The following ZNF516 variants were observed in gnomAD, a reference collection of about 807,000 sequenced individuals.
ZNF516 encodes zinc finger protein 516.
In ZNF516, 19 loss-of-function variants were observed where a neutral mutation model predicts 79.7. That is an observed-to-expected ratio of 0.24 (90% CI 0.17 to 0.35). The LOEUF is 0.35. ZNF516 is among the 10% of genes least tolerant of loss of function. The probability of loss-of-function intolerance (pLI) is 1.00; values close to 1 mark genes in which losing one functional copy is unlikely to be tolerated. For synonymous variants in ZNF516, 877 were observed against 739.5 expected, an observed-to-expected ratio of 1.19 and a Z score of -3.02; for missense variants, 1,678 against 1,679.5, an observed-to-expected ratio of 1.00 and a Z score of 0.02.
intron 6 of ZNF516, among the ~76,000 whole-genome samples, chr18:76,363,654 CCTG>C (rs1484192254): frequency 6.6e-6 from 1 of 152,202 alleles, no homozygotes; most frequent in African/African-American, 2.4e-5. Context: ...TGGTGAATTT[CCTG>C]CAGTAAACGG....
intron 6 of ZNF516, among the ~76,000 whole-genome samples, chr18:76,365,680 T>C (rs2074602036): frequency 6.6e-6 from 1 of 152,214 alleles, no homozygotes; most frequent in Non-Finnish European, 1.5e-5. Flanking sequence ...ATTGGAACCA[T>C]CTTAATCCAA....
chr18:76,485,175 A>G (rs909099934), intron 1 of ZNF516, among the ~76,000 whole-genome samples: 2 of 152,216 alleles, frequency 1.3e-5, no homozygotes, highest in African/African-American at 4.8e-5. Flanking sequence ...ACTCAACACA[A>G]TAACGTTAAT....
At chr18:76,403,894 T>G (rs2075265189) in intron 3 of ZNF516, among the ~76,000 whole-genome samples, 1 of 152,182 alleles carries the variant, frequency 6.6e-6, no homozygotes, top group South Asian at 2.1e-4. Context: ...GGAACATGCA[T>G]ACCCCTGCAA....
intron 1 of ZNF516, among the ~76,000 whole-genome samples, chr18:76,494,634 G>T (rs1432264869): frequency 6.6e-6 from 1 of 152,056 alleles, no homozygotes; most frequent in Non-Finnish European, 1.5e-5. Flanking sequence ...CACAGGCATC[G>T]ATCCCATCCG....
At position 76,441,747 on chromosome 18, in the gene ZNF516, G is replaced by A. The variant is rs775995560; in HGVS notation, c.1308C>T (p.Tyr436=). Residue 436 remains tyrosine, a synonymous_variant, in exon 3 of 7, where the codon TAC becomes TAT. Coordinates refer to ENST00000443185, the MANE Select transcript of ZNF516 (RefSeq NM_014643.4). The stretch of plus-strand genomic sequence containing the variant: ...CGGCCAGCGCCTCGTCCCAGGCCCC[G>A]TACTTGAGGTACTCGGCCGGCTCGG... ...KVAEPAEYLK[Y]GAWDEALAGD... is the part of the protein sequence containing the mutation. The A allele has an allele frequency of 6.4e-5, 100 of 1,571,062 alleles. No individual in the cohort carries two copies. Among genetic ancestry groups the A allele is most frequent in the Middle Eastern group, 5.0e-4 (3 of 6,038 alleles).
At chr18:76,408,591 A>C (rs1424175409) in intron 3 of ZNF516, among the ~76,000 whole-genome samples, 1 of 152,234 alleles carries the variant, frequency 6.6e-6, no homozygotes, top group African/African-American at 2.4e-5. Flanking sequence ...AACTGAGGGC[A>C]CATGGCTCCC....
rs547942688 is a variant in ZNF516 at position 76,381,096 on chromosome 18, C to A, written c.1811-793G>T. On this transcript the variant is annotated intron_variant, in intron 3 of 6. Coordinates refer to ENST00000443185, the MANE Select transcript of ZNF516 (RefSeq NM_014643.4). ...GAGCCACAGTCTGGGATGAACTCTG[C>A]GGTGGGGAGGGATGGTGTGGTCAGA... Among the ~76,000 whole-genome samples, 5 of 152,296 alleles carry A rather than the reference C, an allele frequency of 3.3e-5. No individual in the cohort carries two copies. The South Asian group carries it at 8.3e-4, about 25-fold the overall frequency.
chr18:76,431,673 T>C (rs2075663340), intron 3 of ZNF516, among the ~76,000 whole-genome samples: 2 of 152,238 alleles, frequency 1.3e-5, no homozygotes, highest in Admixed American at 1.3e-4. Flanking sequence ...GGTTTCAGAG[T>C]GCGTGGCACC....
At chr18:76,440,552 G>A (rs1203237935) in intron 3 of ZNF516, among the ~76,000 whole-genome samples, 1 of 152,202 alleles carries the variant, frequency 6.6e-6, no homozygotes, top group Non-Finnish European at 1.5e-5. Context: ...GAAAGTAGGA[G>A]AATTATGAAA....
Position 76,362,210 on chromosome 18 carries a change from A to T in ZNF516, c.*288T>A, listed in dbSNP as rs75574030. 2.1e-3 allele frequency: 731 copies of T among 344,548 alleles called. 10 individuals carry two copies. The highest frequency in any genetic ancestry group is 0.014 in the African/African-American group (670 of 48,558). The allele number at this position is 344,548 out of a possible 1,614,324, so 21.3% of individuals were successfully genotyped here. On this transcript the variant is annotated 3_prime_UTR_variant, in exon 7 of 7. Transcript: ENST00000443185. ...GTGCCTGCCAGTACTACTGTTTATT[A>T]TAAGAAAATATGGGACTATGGACGA...
chr18:76,465,676 T>A (rs2145698220), intron 1 of ZNF516, among the ~76,000 whole-genome samples: 1 of 152,334 alleles, frequency 6.6e-6, no homozygotes, highest in East Asian at 1.9e-4. Flanking sequence ...GTTATCTTCC[T>A]CCCGGGAACG....
At chr18:76,444,427 G>C (rs1446117104) in intron 2 of ZNF516, among the ~76,000 whole-genome samples, 1 of 152,216 alleles carries the variant, frequency 6.6e-6, no homozygotes, top group African/African-American at 2.4e-5. Flanking sequence ...CGCATAGAAA[G>C]GAAGCGTGTT....
At position 76,443,073 on chromosome 18, in the gene ZNF516, C is replaced by G; in HGVS notation, c.-19G>C. 1 of 1,559,622 alleles carries G rather than the reference C, an allele frequency of 6.4e-7. No homozygotes were observed. Among genetic ancestry groups the G allele is most frequent in the Non-Finnish European group, 8.6e-7 (1 of 1,159,780 alleles). ...GATCCATCCGAAGGACGGGCGCGGC[C>G]GGTGGTGGCGGCACAGCTTTCTGTC... On this transcript the variant is annotated 5_prime_UTR_variant, in exon 3 of 7. Transcript: ENST00000443185.
intron 3 of ZNF516, among the ~76,000 whole-genome samples, chr18:76,439,187 T>C (rs2075782413): frequency 6.6e-6 from 1 of 152,234 alleles, no homozygotes; most frequent in Non-Finnish European, 1.5e-5. Context: ...AGTAGTTAAA[T>C]CAATGGAACA....
chr18:76,399,899 A>G (rs907403294), intron 3 of ZNF516, among the ~76,000 whole-genome samples: 2 of 152,128 alleles, frequency 1.3e-5, no homozygotes, highest in Admixed American at 6.5e-5. Context: ...TGTGAGTGAC[A>G]TGTGGATGAA....
intron 3 of ZNF516, among the ~76,000 whole-genome samples, chr18:76,419,791 T>C (rs2075482100): frequency 6.6e-6 from 1 of 152,236 alleles, no homozygotes; most frequent in African/African-American, 2.4e-5. Flanking sequence ...CCTCTTTCCT[T>C]TATAACTTAC....
At chr18:76,366,361 A>G (rs2074611532) in intron 6 of ZNF516, among the ~76,000 whole-genome samples, 1 of 152,240 alleles carries the variant, frequency 6.6e-6, no homozygotes, top group Admixed American at 6.5e-5. Context: ...ATGTCTGTCT[A>G]CCAACCGGAG....
chr18:76,451,337 G>A lies in ZNF516; in HGVS notation c.-157-8126C>T, dbSNP rs1291479592. On this transcript the variant is annotated intron_variant, in intron 2 of 6. Coordinates refer to ENST00000443185, the MANE Select transcript of ZNF516 (RefSeq NM_014643.4). This position sits in a 1 kb window ranked among gnomAD's most constrained non-coding sequence, Gnocchi z 6.0. ...GGGGGGGGCACCGATGTCAGCCCGG[G>A]ATGGATGTCCGCGGGTGCAGGGGGG... Among the ~76,000 whole-genome samples, 1 of 152,174 alleles carries A rather than the reference G, an allele frequency of 6.6e-6. No homozygotes were observed. The highest frequency in any genetic ancestry group is 1.5e-5 in the Non-Finnish European group (1 of 68,036).
At chr18:76,435,329 A>C (rs2075717188) in intron 3 of ZNF516, among the ~76,000 whole-genome samples, 1 of 152,258 alleles carries the variant, frequency 6.6e-6, no homozygotes, top group Admixed American at 6.5e-5. Context: ...CAGAAAATGT[A>C]GCACTCTGTT....
Sources: allele counts gnomAD v4.1 joint callset (sites outside exome capture counted in the v4.1 genomes callset), GRCh38; gene constraint gnomAD v4.1.1; non-coding constraint Gnocchi (gnomAD v3.1); transcripts MANE v1.5; gene names NCBI Gene and HGNC (gene_info 2026-07-23, HGNC 2026-07-21).